DOT1L: variants seen among roughly 807,000 people sequenced by gnomAD.
The protein encoded by DOT1L is DOT1 like histone lysine methyltransferase.
DOT1L carries 33 observed loss-of-function variants against 153.3 expected under a neutral mutation model. The ratio of observed to expected loss-of-function variants is 0.22; its 90% CI spans 0.16 to 0.29. DOT1L has a LOEUF of 0.29. Among genes scored for constraint, DOT1L ranks in the 10% least tolerant of loss-of-function variants. The probability of loss-of-function intolerance (pLI) is 1.00; values close to 1 mark genes in which losing one functional copy is unlikely to be tolerated. For synonymous variants in DOT1L, 1,135 were observed against 965.1 expected (o/e 1.18, Z -3.26); for missense variants, 1,847 against 2,119.9 (o/e 0.87, Z 2.53).
chr19:2,168,855 C>T (rs2020024055), intron 1 of DOT1L, among the ~76,000 whole-genome samples: 1 of 152,184 alleles, frequency 6.6e-6, no homozygotes, highest in South Asian at 2.1e-4. Context: ...ACCTTGTCAT[C>T]TACCTGCCTG....
chr19:2,225,486 C>T (rs926572250), intron 26 of DOT1L, 34 bp downstream of exon 26: 6 of 1,609,152 alleles, frequency 3.7e-6, no homozygotes, highest in Non-Finnish European at 5.1e-6. Context: ...GTGGCCAGGC[C>T]TGTCCGTGTG....
Position 2,209,598 on chromosome 19 carries a change from C to T in DOT1L, c.1005+622C>T, listed in dbSNP as rs575851031. 7.2e-5 allele frequency among the ~76,000 whole-genome samples: 11 copies of T among 152,370 alleles called. No individual in the cohort carries two copies. In the South Asian group the frequency reaches 1.9e-3, roughly 26 times the overall value. On this transcript the variant is annotated intron_variant, in intron 12 of 27. Coordinates refer to ENST00000398665, the MANE Select transcript of DOT1L (RefSeq NM_032482.3). ...CCCCTCCTCTCCCACCTTAAAGCAG[C>T]GGTGGGAAAGCCTGGCTTGGGGAGC...
At chr19:2,209,480 G>A (rs895696260) in intron 12 of DOT1L, among the ~76,000 whole-genome samples, 6 of 152,336 alleles carry the variant, frequency 3.9e-5, no homozygotes, top group African/African-American at 1.4e-4. Flanking sequence ...GGCCTGGGGG[G>A]CCACACATGT....
rs1351505022 is a variant in DOT1L at position 2,230,413 on chromosome 19, A to G, written c.*621A>G. On this transcript the variant is annotated 3_prime_UTR_variant, in exon 28 of 28. Coordinates refer to ENST00000398665, the MANE Select transcript of DOT1L (RefSeq NM_032482.3). Reference sequence around the variant, plus strand: ...GGCACTGTGAACCCCCAGACTGTTCACCCTCCGGGGCGTGGGTTGCGCCCT... The same window carrying G: ...GGCACTGTGAACCCCCAGACTGTTCGCCCTCCGGGGCGTGGGTTGCGCCCT... The G allele has an allele frequency of 2.5e-6, 1 of 398,226 alleles. No homozygotes were observed. Among genetic ancestry groups the G allele is most frequent in the African/African-American group, 2.1e-5 (1 of 48,002 alleles). 24.7% of individuals were successfully genotyped at this position (398,226 alleles called of 1,614,324 possible). A position where few individuals can be genotyped will look rare whatever the true frequency, so the allele number is the denominator to read the frequency against.
chr19:2,184,340 C>T lies in DOT1L; in HGVS notation c.126-1515C>T, dbSNP rs551170459. 2.0e-5 allele frequency among the ~76,000 whole-genome samples: 3 copies of T among 152,152 alleles called. No homozygotes were observed. The South Asian group carries it at 6.2e-4, about 32-fold the overall frequency. On this transcript the variant is annotated intron_variant, in intron 2 of 27. Coordinates refer to ENST00000398665, the MANE Select transcript of DOT1L (RefSeq NM_032482.3). ...GAGAGGCACCAATAATCACAGAGGGCGGATGCCACAGCCCTTCTGACAGGA... is the reference window on the plus strand; with the variant it reads ...GAGAGGCACCAATAATCACAGAGGGTGGATGCCACAGCCCTTCTGACAGGA...
intron 18 of DOT1L, 58 bp downstream of exon 18, chr19:2,214,044 G>T (rs895872028): frequency 5.0e-5 from 78 of 1,570,446 alleles, no homozygotes; most frequent in Non-Finnish European, 5.3e-5. Flanking sequence ...GCCTGGGCGG[G>T]TGTGTCCTCT....
intron 4 of DOT1L, 77 bp downstream of exon 4, chr19:2,189,872 C>A (rs1599559310): frequency 6.7e-7 from 1 of 1,501,858 alleles, no homozygotes; most frequent in Non-Finnish European, 9.2e-7. Context: ...TATGTCACCG[C>A]CTCGGGGCAC....
At chr19:2,201,683 A>G (rs1357805593) in intron 8 of DOT1L, among the ~76,000 whole-genome samples, 1 of 152,208 alleles carries the variant, frequency 6.6e-6, no homozygotes, top group East Asian at 1.9e-4. Context: ...GGGGACCCGC[A>G]GTGGTCAGGC....
At chr19:2,228,097 T>G (rs1173312608) in intron 27 of DOT1L, 1 of 1,349,340 alleles carries the variant, frequency 7.4e-7, no homozygotes, top group East Asian at 4.7e-5. Flanking sequence ...AACCAAGCTT[T>G]CTTGCCCCCC....
At chr19:2,224,720 T>TGCCTCCCAGC (rs1230894099) in intron 25 of DOT1L, among the ~76,000 whole-genome samples, 16 of 152,180 alleles carry the variant, frequency 1.1e-4, no homozygotes, top group Non-Finnish European at 1.3e-4. Context: ...TGCCTCCCAG[T>TGCCTCCCAGC]GCCTCCCAGC....
intron 1 of DOT1L, among the ~76,000 whole-genome samples, chr19:2,169,954 C>G (rs1402498941): frequency 1.3e-5 from 2 of 152,144 alleles, no homozygotes; most frequent in Non-Finnish European, 2.9e-5. Context: ...GTCAGGAGTT[C>G]GAGACCAGCT....
At position 2,230,760 on chromosome 19, in the gene DOT1L, T is replaced by C. The variant is rs2024565626; in HGVS notation, c.*968T>C. The C allele has an allele frequency of 1.3e-5, 5 of 396,730 alleles. No homozygotes were observed. The Admixed American group carries it at 1.3e-4, about 10-fold the overall frequency. 24.6% of individuals were successfully genotyped at this position (396,730 alleles called of 1,614,324 possible). On this transcript the variant is annotated 3_prime_UTR_variant, in exon 28 of 28. Transcript: ENST00000398665. ...AGAAAAGCGAGGGGAAAAAACCTTA[T>C]TTATTCAAACAGTGCACAAAATGGC...
intron 1 of DOT1L, among the ~76,000 whole-genome samples, chr19:2,165,265 C>A (rs1013018261): frequency 2.0e-5 from 2 of 100,228 alleles, no homozygotes. Context: ...CGGGCATCCC[C>A]GCGCGCCCTG....
Position 2,210,473 on chromosome 19 carries a change from C to G in DOT1L, c.1079C>G (p.Pro360Arg), listed in dbSNP as rs2023666835. The G allele has an allele frequency of 4.4e-6, 7 of 1,593,330 alleles. No homozygotes were observed. The highest frequency in any genetic ancestry group is 6.0e-6 in the Non-Finnish European group (7 of 1,172,482). ...KSNAATPTKG[P>R]EGKVAGPADA... ...AACGCGGCCACGCCCACTAAGGGCC[C>G]AGAGGGCAAGGTGGCCGGCCCCGCC... The change falls in exon 13 of 28, where the codon CCA becomes CGA. Residue 360 changes from proline to arginine, a missense_variant. Pro to Arg is a moderately radical substitution (Grantham distance 103). Around this residue, in one of 8 missense-constraint regions of DOT1L, gnomAD observed 205 missense variants for 203.1 expected, o/e 1.01. Coordinates refer to ENST00000398665, the MANE Select transcript of DOT1L (RefSeq NM_032482.3).
rs1186607122 is a variant in DOT1L, at chr19:2,222,667, G to A, written c.3390+108G>A. 33 of 1,074,118 alleles carry A rather than the reference G, an allele frequency of 3.1e-5. No homozygotes were observed. Among genetic ancestry groups the A allele is most frequent in the Middle Eastern group, 2.7e-4 (1 of 3,718 alleles). 66.5% of individuals were successfully genotyped at this position (1,074,118 alleles called of 1,614,324 possible). A position where few individuals can be genotyped will look rare whatever the true frequency, so the allele number is the denominator to read the frequency against. ...TGTAATCCCAGCATTTTGGGAGGCC[G>A]AGGCGGGTGGATCACAAGATCAGGA... On this transcript the variant is annotated intron_variant, in intron 24 of 27. Transcript: ENST00000398665. This position sits in a 1 kb window ranked among gnomAD's most constrained non-coding sequence, Gnocchi z 6.5.
In DOT1L at chr19:2,197,257, T is replaced by C. The variant is rs568049807; in HGVS notation, c.652-2627T>C. Among the ~76,000 whole-genome samples the C allele has an allele frequency of 6.6e-6, 1 of 152,322 alleles. No homozygotes were observed. Among genetic ancestry groups the C allele is most frequent in the East Asian group, 1.9e-4 (1 of 5,184 alleles). On this transcript the variant is annotated intron_variant, in intron 7 of 27. Transcript: ENST00000398665. The surrounding 1 kb of genome is among the most constrained non-coding windows in gnomAD (Gnocchi z 4.1). ...TCTCATGGTGATTGTTCCCAAATGCTGTGCCCACAGTGGAAGCTGTGTGGT... is the reference window on the plus strand; with the variant it reads ...TCTCATGGTGATTGTTCCCAAATGCCGTGCCCACAGTGGAAGCTGTGTGGT...
intron 1 of DOT1L, among the ~76,000 whole-genome samples, chr19:2,175,958 G>A (rs868791963): frequency 3.3e-5 from 5 of 152,252 alleles, no homozygotes; most frequent in Admixed American, 6.5e-5. Flanking sequence ...CCAGGAGTAC[G>A]AACCCAACCG....
At chr19:2,177,911 C>T (rs1419189625) in intron 1 of DOT1L, among the ~76,000 whole-genome samples, 4 of 147,684 alleles carry the variant, frequency 2.7e-5, no homozygotes, top group African/African-American at 7.5e-5. Context: ...CAGGTGTGTG[C>T]CACCACACCT....
Position 2,193,537 on chromosome 19 carries a change from T to G in DOT1L, c.494-152T>G, listed in dbSNP as rs2022887019. 3.2e-6 allele frequency: 2 copies of G among 630,780 alleles called. No homozygotes were observed. Among genetic ancestry groups the G allele is most frequent in the Admixed American group, 2.9e-5 (1 of 34,538 alleles). 39.1% of individuals were successfully genotyped at this position (630,780 alleles called of 1,614,324 possible). ...CCTGGTCTCTGGGAAGGATCCTGAG[T>G]GACCTTGGAGCATCGGATATGTGTG... is the stretch of plus-strand genomic sequence containing the variant. On this transcript the variant is annotated intron_variant, in intron 5 of 27. Coordinates refer to ENST00000398665, the MANE Select transcript of DOT1L (RefSeq NM_032482.3). The surrounding 1 kb of genome is among the most constrained non-coding windows in gnomAD (Gnocchi z 5.9).
Sources: allele counts gnomAD v4.1 joint callset (sites outside exome capture counted in the v4.1 genomes callset), GRCh38; gene constraint gnomAD v4.1.1; regional missense constraint gnomAD v4.1.1; non-coding constraint Gnocchi (gnomAD v3.1); transcripts MANE v1.5; gene names NCBI Gene and HGNC (gene_info 2026-07-23, HGNC 2026-07-21).